Variants in PACRG observed in about 807,000 individuals in gnomAD.
PACRG encodes parkin coregulated.
PACRG carries 29 observed loss-of-function variants against 29.7 expected under a neutral mutation model. The observed-to-expected ratio is 0.98, with a 90% CI of 0.73 to 1.33. The LOEUF (loss-of-function observed/expected upper bound fraction) is 1.33, where lower values mean the gene tolerates loss of function less well. Among genes scored for constraint, PACRG ranks in the 40% most tolerant of loss-of-function variants. PACRG has a pLI of 0.00. For synonymous variants in PACRG, 116 were observed against 118.7 expected (o/e 0.98, Z 0.15); for missense variants, 279 against 316.2 (o/e 0.88, Z 0.89).
intron 2 of PACRG, among the ~76,000 whole-genome samples, chr6:162,920,480 C>G (rs1048784980): frequency 6.6e-6 from 1 of 152,128 alleles, no homozygotes; most frequent in African/African-American, 2.4e-5. Flanking sequence ...TCTGTGATGG[C>G]AGAGATTTCC....
intron 2 of PACRG, among the ~76,000 whole-genome samples, chr6:162,929,188 T>C (rs1797668257): frequency 6.6e-6 from 1 of 151,952 alleles, no homozygotes. Context: ...TTGAGGAACC[T>C]TCATACAGTT....
At chr6:163,002,026 C>A (rs191985019) in intron 2 of PACRG, among the ~76,000 whole-genome samples, 1 of 152,296 alleles carries the variant, frequency 6.6e-6, no homozygotes, top group East Asian at 1.9e-4. Flanking sequence ...TGAAATCACC[C>A]TGGCTATAAT....
At chr6:163,072,305 C>T (rs1812138200) in intron 3 of PACRG, among the ~76,000 whole-genome samples, 2 of 151,982 alleles carry the variant, frequency 1.3e-5, no homozygotes, top group South Asian at 4.1e-4. Context: ...GCAAAGCAAT[C>T]AATGTTATAC....
At chr6:162,911,396 T>C (rs942146818) in intron 2 of PACRG, among the ~76,000 whole-genome samples, 6 of 152,266 alleles carry the variant, frequency 3.9e-5, no homozygotes, top group Admixed American at 3.9e-4. Flanking sequence ...TTCTACCTCC[T>C]ATTACCAAAA....
intron 4 of PACRG, among the ~76,000 whole-genome samples, chr6:163,181,063 G>A (rs1030120061): frequency 6.6e-5 from 10 of 152,146 alleles, no homozygotes; most frequent in African/African-American, 9.7e-5. Flanking sequence ...AGCCTTCTCC[G>A]GATACCAAAG....
intron 4 of PACRG, among the ~76,000 whole-genome samples, chr6:163,144,856 C>G (rs1388265511): frequency 6.6e-6 from 1 of 152,160 alleles, no homozygotes; most frequent in Non-Finnish European, 1.5e-5. Context: ...ACATCAGGTA[C>G]AGATGTAAAG....
At position 163,173,400 on chromosome 6, in the gene PACRG, C is replaced by A. The variant is rs112881563; in HGVS notation, c.613+83992C>A. Among the ~76,000 whole-genome samples the A allele has an allele frequency of 8.6e-4, 131 of 152,252 alleles. 1 individual carries two copies. The highest frequency in any genetic ancestry group is 3.0e-3 in the African/African-American group (126 of 41,538). On this transcript the variant is annotated intron_variant, in intron 4 of 4. Coordinates refer to ENST00000366888, the MANE Select transcript of PACRG (RefSeq NM_001080379.2). The stretch of plus-strand genomic sequence containing the variant: ...AAACAGTGGCTCCTTGGGGTAGAGA[C>A]CTTCCACACCTGATCTCATCCCATC...
Position 162,838,391 on chromosome 6 carries a change from C to A in PACRG, c.291+24110C>A, listed in dbSNP as rs965000325. ...CATGTAGGCTAATCATTATGAGGGA[C>A]GTTTATGGTCCCAGACTAGAGGTTC... On this transcript the variant is annotated intron_variant, in intron 2 of 4. Coordinates refer to ENST00000366888, the MANE Select transcript of PACRG (RefSeq NM_001080379.2). Among the ~76,000 whole-genome samples, 8 of 152,134 alleles carry A rather than the reference C, an allele frequency of 5.3e-5. No individual in the cohort carries two copies. The East Asian group carries it at 1.5e-3, about 29-fold the overall frequency.
intron 2 of PACRG, among the ~76,000 whole-genome samples, chr6:162,909,554 CAAA>C (rs562001835): frequency 8.6e-5 from 6 of 70,046 alleles, no homozygotes; most frequent in African/African-American, 1.6e-4. Flanking sequence ...GACTCCATCT[CAAA>C]AAAAAAAAAA....
intron 2 of PACRG, among the ~76,000 whole-genome samples, chr6:162,998,055 C>T (rs576502425): frequency 1.8e-4 from 27 of 152,246 alleles, no homozygotes; most frequent in African/African-American, 6.5e-4. Context: ...AATAATAGTA[C>T]CTACCGTAAA....
intron 4 of PACRG, among the ~76,000 whole-genome samples, chr6:163,249,773 G>A (rs1008462293): frequency 6.6e-6 from 1 of 152,212 alleles, no homozygotes; most frequent in African/African-American, 2.4e-5. Context: ...GCTCCGTGGT[G>A]ACCGGCTTCT....
At chr6:162,902,291 T>C (rs1795616871) in intron 2 of PACRG, among the ~76,000 whole-genome samples, 1 of 152,190 alleles carries the variant, frequency 6.6e-6, no homozygotes, top group Non-Finnish European at 1.5e-5. Context: ...TAGGAAGCAA[T>C]CCATTTGGAT....
intron 4 of PACRG, among the ~76,000 whole-genome samples, chr6:163,197,453 T>TTCTTTTCTTTTCTTTTCTTTTC (rs1562959318): frequency 1.4e-5 from 2 of 141,824 alleles, no homozygotes; most frequent in African/African-American, 5.4e-5. Flanking sequence ...TTTTTTTTTT[T>TTCTTTTCTTTTCTTTTCTTTTC]TTTTTTGTGA....
intron 4 of PACRG, among the ~76,000 whole-genome samples, chr6:163,131,873 GTT>G (rs1816756107): frequency 2.0e-5 from 3 of 152,102 alleles, no homozygotes; most frequent in Admixed American, 2.0e-4. Context: ...CATAAAATGC[GTT>G]CAATAGGCAC....
chr6:162,812,068 G>A (rs1438089768), intron 1 of PACRG, among the ~76,000 whole-genome samples: 1 of 152,134 alleles, frequency 6.6e-6, no homozygotes, highest in Non-Finnish European at 1.5e-5. Context: ...GGACATAGTT[G>A]TTGCTAGGGG....
chr6:162,934,162 G>T (rs1448961082), intron 2 of PACRG, among the ~76,000 whole-genome samples: 1 of 152,046 alleles, frequency 6.6e-6, no homozygotes, highest in African/African-American at 2.4e-5. Context: ...TACTCGGGGG[G>T]CTGAGGCAGG....
intron 4 of PACRG, among the ~76,000 whole-genome samples, chr6:163,176,554 G>C (rs1287525268): frequency 6.6e-6 from 1 of 152,008 alleles, no homozygotes; most frequent in East Asian, 1.9e-4. Flanking sequence ...GAAAGAAAGG[G>C]GGGAGGGAAA....
chr6:162,903,818 G>A (rs1006692268), intron 2 of PACRG, among the ~76,000 whole-genome samples: 3 of 152,172 alleles, frequency 2.0e-5, no homozygotes, highest in African/African-American at 7.2e-5. Flanking sequence ...ATCGTGAGGG[G>A]TTTGTCAACC....
chr6:162,856,438 G>A (rs891562729), intron 2 of PACRG, among the ~76,000 whole-genome samples: 10 of 152,274 alleles, frequency 6.6e-5, no homozygotes, highest in Middle Eastern at 6.8e-3. Flanking sequence ...ACATTCAACC[G>A]GCTGTGTGGC....
Sources: gnomAD v4.1 joint callset for allele counts (sites outside exome capture counted in the v4.1 genomes callset) on GRCh38, gnomAD v4.1.1 for gene constraint, MANE v1.5 for transcripts, NCBI Gene and HGNC (gene_info 2026-07-23, HGNC 2026-07-21) for gene names.